The following C1orf21 variants were observed in gnomAD, a reference collection of about 807,000 sequenced individuals.
The protein encoded by C1orf21 is chromosome 1 open reading frame 21, also known as uncharacterized protein C1orf21.
In C1orf21, 3 loss-of-function variants were observed where a neutral mutation model predicts 18.7. The ratio of observed to expected loss-of-function variants is 0.16; its 90% CI spans 0.07 to 0.42. The LOEUF is 0.42. Among genes scored for constraint, C1orf21 ranks in the 10% least tolerant of loss-of-function variants. The pLI is 0.99. For synonymous variants in C1orf21, 41 were observed against 46.4 expected, an observed-to-expected ratio of 0.88 and a Z score of 0.47; for missense variants, 104 against 143.6, an observed-to-expected ratio of 0.72 and a Z score of 1.41.
intron 3 of C1orf21, among the ~76,000 whole-genome samples, chr1:184,589,745 G>C (rs952829062): frequency 6.6e-6 from 1 of 152,172 alleles, no homozygotes; most frequent in Non-Finnish European, 1.5e-5. Context: ...CAAACAACTA[G>C]AATATGTAAG....
At chr1:184,544,224 A>G (rs1394311116) in intron 3 of C1orf21, among the ~76,000 whole-genome samples, 2 of 152,166 alleles carry the variant, frequency 1.3e-5, no homozygotes, top group Admixed American at 1.3e-4. Context: ...TTCAGTGGTT[A>G]TTTCTTTTAT....
At chr1:184,601,828 G>A (rs1659588990) in intron 5 of C1orf21, among the ~76,000 whole-genome samples, 1 of 151,946 alleles carries the variant, frequency 6.6e-6, no homozygotes, top group Non-Finnish European at 1.5e-5. Flanking sequence ...TTGAACTCGG[G>A]AGGTGGAAGT....
chr1:184,463,924 T>A (rs6684430), intron 1 of C1orf21, among the ~76,000 whole-genome samples: 2,591 of 152,284 alleles, frequency 0.017, 74 homozygotes, highest in African/African-American at 0.059. Flanking sequence ...TGATAAGACT[T>A]GTTCTGGACC....
In C1orf21 at chr1:184,522,228, TATA is replaced by T. The variant is rs1658315225; in HGVS notation, c.189+14549_189+14551del. ...ATTTGTACATACATGTGTAAATACA[TATA>T]ATGTATATAGGCATGTATATATGTA... On this transcript the variant is annotated intron_variant, in intron 3 of 5. Coordinates refer to ENST00000235307, the MANE Select transcript of C1orf21 (RefSeq NM_030806.4). Among the ~76,000 whole-genome samples, 7 of 152,312 alleles carry T rather than the reference TATA, an allele frequency of 4.6e-5. No homozygotes were observed. In the South Asian group the frequency reaches 1.4e-3, roughly 32 times the overall value.
chr1:184,490,245 C>T (rs912005483), intron 2 of C1orf21, among the ~76,000 whole-genome samples: 3 of 152,230 alleles, frequency 2.0e-5, no homozygotes, highest in East Asian at 1.9e-4. Flanking sequence ...GCTGTAAAGA[C>T]GGGTTAAACC....
At chr1:184,588,400 G>A (rs1659388069) in intron 3 of C1orf21, among the ~76,000 whole-genome samples, 1 of 152,178 alleles carries the variant, frequency 6.6e-6, no homozygotes, top group South Asian at 2.1e-4. Flanking sequence ...ACAATGAAAT[G>A]TGTCAAAATT....
intron 1 of C1orf21, among the ~76,000 whole-genome samples, chr1:184,464,244 A>G (rs532194384): frequency 1.3e-5 from 2 of 152,346 alleles, no homozygotes; most frequent in East Asian, 3.9e-4. Context: ...AGAAACATAT[A>G]TCTGTGCCTC....
At chr1:184,428,568 T>C (rs141082469) in intron 1 of C1orf21, among the ~76,000 whole-genome samples, 2 of 152,336 alleles carry the variant, frequency 1.3e-5, no homozygotes, top group African/African-American at 4.8e-5. Context: ...AAATATGACT[T>C]ATACTTAATG....
intron 1 of C1orf21, among the ~76,000 whole-genome samples, chr1:184,438,178 T>G (rs1242386117): frequency 2.6e-5 from 4 of 152,170 alleles, no homozygotes; most frequent in African/African-American, 9.6e-5. Flanking sequence ...GAGTTCACCT[T>G]CCTAGGAACT....
At chr1:184,402,658 G>C (rs1424140129) in intron 1 of C1orf21, among the ~76,000 whole-genome samples, 4 of 150,466 alleles carry the variant, frequency 2.7e-5, no homozygotes, top group Non-Finnish European at 5.9e-5. Context: ...ACTGATTTGA[G>C]ATGTGCCCCC....
At position 184,387,953 on chromosome 1, in the gene C1orf21, C is replaced by T. The variant is rs113584532; in HGVS notation, c.-125+585C>T. 0.019 allele frequency among the ~76,000 whole-genome samples: 2,957 copies of T among 152,216 alleles called. 32 individuals are homozygous for T. Among genetic ancestry groups the T allele is most frequent in the Non-Finnish European group, 0.026 (1,781 of 68,010 alleles). On this transcript the variant is annotated intron_variant, in intron 1 of 5. Coordinates refer to ENST00000235307, the MANE Select transcript of C1orf21 (RefSeq NM_030806.4). This position sits in a 1 kb window ranked among gnomAD's most constrained non-coding sequence, Gnocchi z 5.6. ...TTTCGTTGCATCTGTTTGCCCACCT[C>T]GGTGTATTTATTATTCGTGCCCATG...
chr1:184,417,271 A>G (rs1049475065), intron 1 of C1orf21, among the ~76,000 whole-genome samples: 1 of 152,212 alleles, frequency 6.6e-6, no homozygotes. Context: ...CTTTGCTAGC[A>G]TAAGGAAAAA....
At chr1:184,610,465 C>T (rs911923264) in intron 5 of C1orf21, among the ~76,000 whole-genome samples, 2 of 152,142 alleles carry the variant, frequency 1.3e-5, no homozygotes, top group African/African-American at 4.8e-5. Context: ...TGTCTTTATC[C>T]TCACTCCTGC....
At chr1:184,469,508 GC>G (rs1657461388) in intron 1 of C1orf21, among the ~76,000 whole-genome samples, 1 of 152,182 alleles carries the variant, frequency 6.6e-6, no homozygotes, top group Non-Finnish European at 1.5e-5. Flanking sequence ...TCAGATGTGT[GC>G]ATGGGCCAAG....
intron 3 of C1orf21, among the ~76,000 whole-genome samples, chr1:184,564,579 A>G (rs1027636933): frequency 2.0e-5 from 3 of 152,324 alleles, no homozygotes; most frequent in Admixed American, 1.3e-4. Context: ...TGCTGGGATT[A>G]CAGGTGTGAG....
At chr1:184,424,959 A>T (rs183564859) in intron 1 of C1orf21, among the ~76,000 whole-genome samples, 45 of 152,340 alleles carry the variant, frequency 3.0e-4, no homozygotes, top group African/African-American at 1.1e-3. Context: ...AATGGGGCAG[A>T]GTCAGATGTT....
intron 2 of C1orf21, among the ~76,000 whole-genome samples, chr1:184,496,660 G>C (rs890853358): frequency 6.6e-6 from 1 of 152,210 alleles, no homozygotes; most frequent in African/African-American, 2.4e-5. Context: ...AACACAAGCA[G>C]CATCTCAGAA....
intron 2 of C1orf21, among the ~76,000 whole-genome samples, chr1:184,486,165 G>A (rs1209054325): frequency 6.6e-6 from 1 of 152,178 alleles, no homozygotes; most frequent in Non-Finnish European, 1.5e-5. Context: ...TCAGCCCAGT[G>A]TCTGACTCAG....
At chr1:184,494,960 G>A (rs905010616) in intron 2 of C1orf21, among the ~76,000 whole-genome samples, 7 of 152,014 alleles carry the variant, frequency 4.6e-5, no homozygotes, top group South Asian at 2.1e-4. Context: ...CTGTACCCAG[G>A]CACAGGGCAT....
Sources: gnomAD v4.1 joint callset for allele counts (sites outside exome capture counted in the v4.1 genomes callset) on GRCh38, gnomAD v4.1.1 for gene constraint, Gnocchi (gnomAD v3.1) non-coding constraint, MANE v1.5 for transcripts, NCBI Gene and HGNC (gene_info 2026-07-23, HGNC 2026-07-21) for gene names.